The following ELAVL4 variants were observed in gnomAD, a reference collection of about 807,000 sequenced individuals.
ELAVL4 encodes the protein ELAV-like protein 4.
A neutral mutation model predicts 35.6 loss-of-function variants in ELAVL4; 1 was observed. That is an observed-to-expected ratio of 0.03 (90% CI 0.01 to 0.13). ELAVL4 has a LOEUF of 0.13. Ranked by LOEUF, ELAVL4 falls within the 10% of genes least tolerant of loss-of-function variation. The probability of loss-of-function intolerance (pLI) is 1.00; values close to 1 mark genes in which losing one functional copy is unlikely to be tolerated. For synonymous variants in ELAVL4, 156 were observed against 171.0 expected (o/e 0.91, Z 0.69); for missense variants, 267 against 464.9 (o/e 0.57, Z 3.91).
Position 50,203,639 on chromosome 1 carries a change from C to G in ELAVL4, c.*2461C>G, listed in dbSNP as rs1386742627. On this transcript the variant is annotated 3_prime_UTR_variant, in exon 7 of 7. Coordinates refer to ENST00000371824, the MANE Select transcript of ELAVL4 (RefSeq NM_001144774.3). ...GTATACTTTAGTTATTAATGAATGA[C>G]TTCATGTTAATCTTGCTAGTTTAGA... The G allele has an allele frequency of 6.6e-6, 1 of 151,990 alleles. No homozygotes were observed. The highest frequency in any genetic ancestry group is 1.5e-5 in the Non-Finnish European group (1 of 67,992). The allele number at this position is 151,990 out of a possible 1,614,324, so 9.4% of individuals were successfully genotyped here.
chr1:50,131,177 T>C (rs1447034059), intron 1 of ELAVL4, among the ~76,000 whole-genome samples: 1 of 152,180 alleles, frequency 6.6e-6, no homozygotes, highest in African/African-American at 2.4e-5. Context: ...ATATACTAAA[T>C]ATTCTTAGGG....
At chr1:50,098,066 A>G (rs888700600) in intron 1 of ELAVL4, among the ~76,000 whole-genome samples, 3 of 152,188 alleles carry the variant, frequency 2.0e-5, no homozygotes, top group Non-Finnish European at 4.4e-5. Context: ...ACACATTTAC[A>G]TTCATAGGAT....
intron 1 of ELAVL4, among the ~76,000 whole-genome samples, chr1:50,072,209 T>C (rs1349347284): frequency 6.6e-6 from 1 of 152,138 alleles, no homozygotes; most frequent in African/African-American, 2.4e-5. Context: ...AGTAAATGAA[T>C]AAATAAATAA....
chr1:50,159,749 C>G (rs1287753553), intron 2 of ELAVL4, among the ~76,000 whole-genome samples: 1 of 152,182 alleles, frequency 6.6e-6, no homozygotes, highest in Non-Finnish European at 1.5e-5. Context: ...ACTCTCCTTT[C>G]TAAGCCAGTA....
intron 1 of ELAVL4, among the ~76,000 whole-genome samples, chr1:50,117,956 A>G (rs1055944346): frequency 7.2e-5 from 11 of 152,156 alleles, no homozygotes; most frequent in African/African-American, 1.4e-4. Flanking sequence ...AGCTGTATCC[A>G]TGATCTCCTT....
intron 1 of ELAVL4, among the ~76,000 whole-genome samples, chr1:50,133,590 G>GAAAGAAAGA (rs1297834831): frequency 9.9e-6 from 1 of 100,808 alleles, no homozygotes; most frequent in Admixed American, 1.1e-4. Flanking sequence ...GAGAAAGAAA[G>GAAAGAAAGA]AAAGAAAGAA....
chr1:50,048,117 G>A, exon 1 of ELAVL4: 2 of 1,489,828 alleles, frequency 1.3e-6, no homozygotes, highest in Non-Finnish European at 8.9e-7. Flanking sequence ...GCCGCGCTCC[G>A]CCCCACCCAG....
intron 2 of ELAVL4, among the ~76,000 whole-genome samples, chr1:50,149,369 A>G (rs1450787153): frequency 6.6e-6 from 1 of 151,862 alleles, no homozygotes; most frequent in Non-Finnish European, 1.5e-5. Flanking sequence ...CAGCCTGGGT[A>G]ACAAGTACGA....
At chr1:50,177,916 A>C (rs1286806115) in intron 3 of ELAVL4, among the ~76,000 whole-genome samples, 3 of 152,204 alleles carry the variant, frequency 2.0e-5, no homozygotes, top group Non-Finnish European at 4.4e-5. Context: ...GAAAAACAGT[A>C]ACCCAGAGCC....
intron 4 of ELAVL4, 68 bp downstream of exon 4, chr1:50,193,986 A>G: frequency 6.4e-7 from 1 of 1,571,596 alleles, no homozygotes; most frequent in South Asian, 1.2e-5. Context: ...TCATAAGAGC[A>G]GAAGGCTGAT....
At chr1:50,128,436 G>T (rs1021182461) in intron 1 of ELAVL4, among the ~76,000 whole-genome samples, 2 of 152,142 alleles carry the variant, frequency 1.3e-5, no homozygotes, top group Non-Finnish European at 2.9e-5. Flanking sequence ...GACCTAGAGA[G>T]TCATCCATTT....
chr1:50,118,537 A>C (rs957860529), intron 1 of ELAVL4, among the ~76,000 whole-genome samples: 3 of 151,980 alleles, frequency 2.0e-5, no homozygotes, highest in African/African-American at 7.2e-5. Flanking sequence ...CAACCACAAA[A>C]GCCTTGGCGT....
chr1:50,111,972 A>C (rs1269586367), intron 1 of ELAVL4, among the ~76,000 whole-genome samples: 1 of 152,168 alleles, frequency 6.6e-6, no homozygotes, highest in Non-Finnish European at 1.5e-5. Flanking sequence ...TTGTAAGCCC[A>C]AAAATGAGAG....
intron 1 of ELAVL4, among the ~76,000 whole-genome samples, chr1:50,118,230 CA>C (rs1283975420): frequency 1.3e-5 from 2 of 152,010 alleles, no homozygotes; most frequent in Admixed American, 1.3e-4. Flanking sequence ...TTCACTGTAT[CA>C]GCTGTTTTCC....
intron 1 of ELAVL4, among the ~76,000 whole-genome samples, chr1:50,092,062 C>T (rs1336044726): frequency 6.6e-6 from 1 of 152,208 alleles, no homozygotes; most frequent in Non-Finnish European, 1.5e-5. Context: ...CATCCACAAA[C>T]TGTACCAGGC....
intron 1 of ELAVL4, among the ~76,000 whole-genome samples, chr1:50,122,753 G>C (rs1319801348): frequency 6.6e-6 from 1 of 152,112 alleles, no homozygotes; most frequent in South Asian, 2.1e-4. Context: ...ATGGAAGGTG[G>C]GCTTCCTTAG....
In ELAVL4 at chr1:50,062,217, G is replaced by C. The variant is rs1474709264; in HGVS notation, c.18+14035G>C. On this transcript the variant is annotated intron_variant, in intron 1 of 6. Coordinates refer to the ELAVL4 transcript ENST00000448907. ...CTCAAGGAGTCCACAATCTTGTGGA[G>C]AAAACAAGGAGAATAAGCAGATAGC... Among the ~76,000 whole-genome samples, 3 of 152,194 alleles carry C rather than the reference G, an allele frequency of 2.0e-5. No individual in the cohort carries two copies. In the East Asian group the frequency reaches 5.8e-4, roughly 29 times the overall value.
chr1:50,113,612 AT>A (rs1365145298), intron 1 of ELAVL4, among the ~76,000 whole-genome samples: 2 of 152,036 alleles, frequency 1.3e-5, no homozygotes, highest in African/African-American at 4.8e-5. Flanking sequence ...GCAATGCAGT[AT>A]TTTTTTCCCA....
intron 3 of ELAVL4, among the ~76,000 whole-genome samples, chr1:50,189,089 G>C (rs1241426687): frequency 6.6e-6 from 1 of 152,162 alleles, no homozygotes; most frequent in Non-Finnish European, 1.5e-5. Flanking sequence ...TTTTCTAAAG[G>C]AGCAATTTTC....
Sources: allele counts gnomAD v4.1 joint callset (sites outside exome capture counted in the v4.1 genomes callset), GRCh38; gene constraint gnomAD v4.1.1; transcripts MANE v1.5; gene names NCBI Gene and HGNC (gene_info 2026-07-23, HGNC 2026-07-21).